SMC1B: variants seen among roughly 807,000 people sequenced by gnomAD.
SMC1B encodes structural maintenance of chromosomes 1B, also known as structural maintenance of chromosomes protein 1B.
In SMC1B, 60 loss-of-function variants were observed where a neutral mutation model predicts 157.9. That is an observed-to-expected ratio of 0.38 (90% CI 0.31 to 0.47). SMC1B has a LOEUF of 0.47. SMC1B is among the 20% of genes least tolerant of loss of function. SMC1B has a pLI of 0.99. For missense variants in SMC1B, 1,165 were observed against 1,426.2 expected (o/e 0.82, Z 2.95); for synonymous variants, 445 against 483.0 (o/e 0.92, Z 1.03).
intron 12 of SMC1B, among the ~76,000 whole-genome samples, chr22:45,374,293 A>C (rs1350916489): frequency 6.6e-6 from 1 of 152,100 alleles, no homozygotes; most frequent in Admixed American, 6.5e-5. Flanking sequence ...AGAAAAAAAA[A>C]CAAAAAACTT....
chr22:45,398,428 C>A (rs959067265), intron 6 of SMC1B, among the ~76,000 whole-genome samples: 3 of 152,180 alleles, frequency 2.0e-5, no homozygotes, highest in Admixed American at 6.5e-5. Context: ...AGGCCAGGTG[C>A]GGCCTGGCAG....
At chr22:45,369,078 C>T (rs1602061965) in intron 15 of SMC1B, among the ~76,000 whole-genome samples, 1 of 152,016 alleles carries the variant, frequency 6.6e-6, no homozygotes, top group Non-Finnish European at 1.5e-5. Flanking sequence ...TATTTACAGA[C>T]AAGCAAATTA....
In SMC1B at chr22:45,355,295, C is replaced by T. The variant is rs145776838; in HGVS notation, c.2962-180G>A. ...CTGCAATATTTGTAGCTTCCTGAGT[C>T]GGCAGTGCTCTTTTCTTTGAACACA... On this transcript the variant is annotated intron_variant, in intron 19 of 24. Transcript: ENST00000357450. Among the ~76,000 whole-genome samples, 339 of 152,254 alleles carry T rather than the reference C, an allele frequency of 2.2e-3. 1 individual carries two copies. The highest frequency in any genetic ancestry group is 0.011 in the South Asian group (53 of 4,824).
chr22:45,384,145 G>C (rs773254561), intron 11 of SMC1B, among the ~76,000 whole-genome samples: 5 of 152,102 alleles, frequency 3.3e-5, no homozygotes, highest in Non-Finnish European at 7.3e-5. Context: ...TATGAGTGAG[G>C]TTGCATTTTC....
intron 12 of SMC1B, among the ~76,000 whole-genome samples, chr22:45,379,931 C>T (rs2086920034): frequency 6.6e-6 from 1 of 151,794 alleles, no homozygotes; most frequent in Admixed American, 6.6e-5. Context: ...CAGGGTTTCA[C>T]CATGTTGGCC....
At chr22:45,371,727 C>A in intron 13 of SMC1B, 140 bp from the exon 14 acceptor site, 1 of 1,042,572 alleles carries the variant, frequency 9.6e-7, no homozygotes, top group Non-Finnish European at 1.3e-6. Context: ...AGGTTAAATA[C>A]CACATAAATA....
intron 1 of SMC1B, among the ~76,000 whole-genome samples, chr22:45,410,571 C>T (rs2087320492): frequency 6.6e-6 from 1 of 152,094 alleles, no homozygotes; most frequent in Non-Finnish European, 1.5e-5. Flanking sequence ...GCTGTGGTGG[C>T]GTGCGCCTGT....
chr22:45,389,616 T>A (rs2087033534), intron 10 of SMC1B, 96 bp downstream of exon 10: 1 of 1,104,794 alleles, frequency 9.1e-7, no homozygotes, highest in Non-Finnish European at 1.3e-6. Flanking sequence ...AAGCTACAAT[T>A]TTTCTCTATC....
At position 45,349,712 on chromosome 22, in the gene SMC1B, A is replaced by G. The variant is rs1240645961; in HGVS notation, c.3495+16T>C. The stretch of plus-strand genomic sequence containing the variant: ...AATTGTAGACAGTCTATTGAAAATG[A>G]AAAGCAGAAACTTACTTTGCCTATG... On this transcript the variant is annotated intron_variant, in intron 23 of 24. Coordinates refer to ENST00000357450, the MANE Select transcript of SMC1B (RefSeq NM_148674.5). 1.9e-6 allele frequency: 3 copies of G among 1,601,774 alleles called. No homozygotes were observed. The highest frequency in any genetic ancestry group is 1.7e-6 in the Non-Finnish European group (2 of 1,170,996).
At chr22:45,361,045 G>A (rs905011242) in intron 17 of SMC1B, among the ~76,000 whole-genome samples, 8 of 151,530 alleles carry the variant, frequency 5.3e-5, no homozygotes, top group Admixed American at 3.9e-4. Context: ...CTCTAAGTGC[G>A]TATGAATATT....
chr22:45,362,076 C>T, intron 16 of SMC1B, 92 bp from the exon 17 acceptor site: 2 of 1,266,022 alleles, frequency 1.6e-6, no homozygotes, highest in Non-Finnish European at 1.1e-6. Flanking sequence ...ACCAGTTATC[C>T]CGAGATGAAC....
rs781637029 is a variant in SMC1B at position 45,413,536 on chromosome 22, T to C, written c.32A>G (p.Asn11Ser). The C allele has an allele frequency of 6.2e-7, 1 of 1,612,206 alleles. No homozygotes were observed. Among genetic ancestry groups the C allele is most frequent in the South Asian group, 1.1e-5 (1 of 90,670 alleles). MAHLELLLVENFKSWRGRQVI... is the reference protein window; with the variant it reads MAHLELLLVESFKSWRGRQVI... ...CTGGCGGCCCCGCCACGACTTGAAA[T>C]TTTCCACAAGCAGCAGCTCCAGGTG... Residue 11 changes from asparagine (N) to serine (S), a missense_variant, in exon 1 of 25, where the codon AAT becomes AGT. Transcript: ENST00000357450.
At chr22:45,344,779 T>A in intron 24 of SMC1B, 122 bp from the exon 25 acceptor site, 1 of 597,800 alleles carries the variant, frequency 1.7e-6, no homozygotes, top group Non-Finnish European at 3.0e-6. Context: ...TAGTAAGATA[T>A]CTGCATTTAT....
In SMC1B at chr22:45,393,605, T is replaced by G. The variant is rs749071586; in HGVS notation, c.1545+29A>C. On this transcript the variant is annotated intron_variant, in intron 9 of 24. Transcript: ENST00000357450. ...GCAAACAGGAAAGCTTAGTTTTTTT[T>G]GTTTAAATTAACTATTCATTCTCAT... The G allele has an allele frequency of 9.8e-6, 15 of 1,530,650 alleles. No individual in the cohort carries two copies. The South Asian group carries it at 1.7e-4, about 17-fold the overall frequency. 94.8% of individuals were successfully genotyped at this position (1,530,650 alleles called of 1,614,324 possible).
chr22:45,353,916 A>T, intron 21 of SMC1B, 62 bp downstream of exon 21: 1 of 833,670 alleles, frequency 1.2e-6, no homozygotes, highest in Non-Finnish European at 1.8e-6. Flanking sequence ...AAAAAAAAAA[A>T]AAAACAACCA....
chr22:45,354,142 AATCAATGTTCTTTATTTTAGAG>A lies in SMC1B; in HGVS notation c.3119-32_3119-11del. On this transcript the variant is annotated splice_polypyrimidine_tract_variant and intron_variant, in intron 20 of 24. Coordinates refer to ENST00000357450, the MANE Select transcript of SMC1B (RefSeq NM_148674.5). Reference sequence around the variant, plus strand: ...CTGCTGGCCTCAAAAGCTAAGAGAGAATCAATGTTCTTTATTTTAGAGACCACTGAGGAGGTTCTTTTACTTA... The same window carrying A: ...CTGCTGGCCTCAAAAGCTAAGAGAGAACCACTGAGGAGGTTCTTTTACTTA... The A allele has an allele frequency of 6.5e-7, 1 of 1,530,832 alleles. No homozygotes were observed. Among genetic ancestry groups the A allele is most frequent in the East Asian group, 2.5e-5 (1 of 40,794 alleles). 94.8% of individuals were successfully genotyped at this position (1,530,832 alleles called of 1,614,324 possible).
intron 1 of SMC1B, among the ~76,000 whole-genome samples, chr22:45,409,610 A>AAATAAAT (rs141154746): frequency 1.9e-3 from 65 of 34,554 alleles, no homozygotes; most frequent in African/African-American, 6.1e-3. Flanking sequence ...ATAAATAAAT[A>AAATAAAT]AAAACAAGAG....
At chr22:45,382,505 C>T (rs900525088) in intron 12 of SMC1B, among the ~76,000 whole-genome samples, 4 of 152,030 alleles carry the variant, frequency 2.6e-5, no homozygotes, top group African/African-American at 7.2e-5. Context: ...AGGAATTCTG[C>T]GGGGTGAAGA....
chr22:45,365,982 T>A (rs1295050435), intron 15 of SMC1B, among the ~76,000 whole-genome samples: 1 of 152,144 alleles, frequency 6.6e-6, no homozygotes, highest in African/African-American at 2.4e-5. Context: ...TCCAATGCAA[T>A]CTCAATTAGA....
Sources: allele counts gnomAD v4.1 joint callset (sites outside exome capture counted in the v4.1 genomes callset), GRCh38; gene constraint gnomAD v4.1.1; transcripts MANE v1.5; gene names NCBI Gene and HGNC (gene_info 2026-07-23, HGNC 2026-07-21).